The following CTNNA3 variants were observed in gnomAD, a reference collection of about 807,000 sequenced individuals.
CTNNA3 encodes the protein catenin alpha 3.
A neutral mutation model predicts 95.7 loss-of-function variants in CTNNA3; 76 were observed. That is an observed-to-expected ratio of 0.79 (90% CI 0.66 to 0.96). The LOEUF (loss-of-function observed/expected upper bound fraction) is 0.96, where lower values mean the gene tolerates loss of function less well. Among genes scored for constraint, CTNNA3 ranks in the 40% least tolerant of loss-of-function variants. The pLI, the probability that CTNNA3 is intolerant of heterozygous loss-of-function variation, is 0.00. For missense variants in CTNNA3, 1,191 were observed against 1,089.8 expected (o/e 1.09, Z -1.31); for synonymous variants, 431 against 374.4 (o/e 1.15, Z -1.74).
chr10:67,439,453 A>T (rs1053064061), intron 5 of CTNNA3, among the ~76,000 whole-genome samples: 5 of 152,154 alleles, frequency 3.3e-5, no homozygotes, highest in African/African-American at 1.2e-4. Flanking sequence ...TGGCCGGAGC[A>T]AGAGCAAGAG....
At chr10:67,758,280 A>G (rs1394371445) in intron 1 of CTNNA3, among the ~76,000 whole-genome samples, 2 of 146,954 alleles carry the variant, frequency 1.4e-5, no homozygotes, top group Admixed American at 7.1e-5. Flanking sequence ...CCTCATGTGT[A>G]TATGTATATA....
chr10:66,529,453 T>TTG (rs1841388652), intron 10 of CTNNA3, among the ~76,000 whole-genome samples: 2 of 148,260 alleles, frequency 1.3e-5, no homozygotes, highest in Admixed American at 6.6e-5. Context: ...TTTTTTTGTT[T>TTG]TTTTTTTTTA....
At chr10:67,499,003 G>T (rs530603013) in intron 5 of CTNNA3, among the ~76,000 whole-genome samples, 2 of 152,190 alleles carry the variant, frequency 1.3e-5, no homozygotes, top group Non-Finnish European at 2.9e-5. Flanking sequence ...GGGCATCCTT[G>T]TCTTGTGCCA....
At chr10:66,249,992 C>A (rs367809746) in intron 13 of CTNNA3, among the ~76,000 whole-genome samples, 14 of 152,142 alleles carry the variant, frequency 9.2e-5, no homozygotes, top group African/African-American at 3.4e-4. Flanking sequence ...TTGGAAGCAA[C>A]TTCAGTGTCC....
intron 7 of CTNNA3, among the ~76,000 whole-genome samples, chr10:67,177,202 T>A (rs1862287942): frequency 6.6e-6 from 1 of 152,238 alleles, no homozygotes; most frequent in African/African-American, 2.4e-5. Flanking sequence ...GCTAATTTCT[T>A]CTTAATGTGA....
At chr10:66,158,640 TG>T (rs1390959937) in intron 13 of CTNNA3, among the ~76,000 whole-genome samples, 1 of 152,134 alleles carries the variant, frequency 6.6e-6, no homozygotes, top group African/African-American at 2.4e-5. Flanking sequence ...GGCTCTTTTT[TG>T]GTTCCATATG....
intron 11 of CTNNA3, among the ~76,000 whole-genome samples, chr10:66,439,517 T>C (rs1203480956): frequency 6.6e-6 from 1 of 152,184 alleles, no homozygotes; most frequent in Admixed American, 6.5e-5. Context: ...CTCTGACTTG[T>C]GATCTCAAAG....
At chr10:67,248,505 T>A (rs2132350787) in intron 5 of CTNNA3, among the ~76,000 whole-genome samples, 1 of 152,216 alleles carries the variant, frequency 6.6e-6, no homozygotes, top group East Asian at 1.9e-4. Flanking sequence ...AGCCTGGACC[T>A]CCTGGGCTCA....
chr10:66,799,955 A>C (rs1023555216), intron 7 of CTNNA3, among the ~76,000 whole-genome samples: 2 of 151,432 alleles, frequency 1.3e-5, no homozygotes, highest in Non-Finnish European at 3.0e-5. Context: ...CTGCCAACCA[A>C]GAATTCAATG....
intron 13 of CTNNA3, among the ~76,000 whole-genome samples, chr10:66,244,545 TC>T (rs1364736290): frequency 6.6e-6 from 1 of 151,308 alleles, no homozygotes; most frequent in East Asian, 2.0e-4. Context: ...GTGGCTCAGC[TC>T]AGAGAGAAAC....
intron 12 of CTNNA3, among the ~76,000 whole-genome samples, chr10:66,292,102 T>C (rs549620265): frequency 8.6e-5 from 13 of 151,992 alleles, no homozygotes; most frequent in Non-Finnish European, 1.6e-4. Context: ...CACATATATA[T>C]ATACATACAC....
intron 7 of CTNNA3, among the ~76,000 whole-genome samples, chr10:66,984,596 T>C (rs955256321): frequency 6.6e-6 from 1 of 152,166 alleles, no homozygotes; most frequent in Admixed American, 6.5e-5. Context: ...TACTTCTCAA[T>C]GCGTTCATGA....
At chr10:67,386,822 T>C (rs1844187565) in intron 5 of CTNNA3, among the ~76,000 whole-genome samples, 1 of 152,182 alleles carries the variant, frequency 6.6e-6, no homozygotes, top group South Asian at 2.1e-4. Context: ...CTTAAGAAAG[T>C]TGGCCATGCA....
intron 9 of CTNNA3, among the ~76,000 whole-genome samples, chr10:66,670,680 A>G (rs1239733260): frequency 6.6e-6 from 1 of 152,122 alleles, no homozygotes; most frequent in Non-Finnish European, 1.5e-5. Context: ...CTTTTTCTTT[A>G]AACGTCAATG....
chr10:66,000,754 A>G (rs779974223), intron 15 of CTNNA3, among the ~76,000 whole-genome samples: 30 of 152,206 alleles, frequency 2.0e-4, no homozygotes, highest in South Asian at 4.1e-4. Context: ...TTTTATCAGT[A>G]TAATAATCAT....
intron 5 of CTNNA3, among the ~76,000 whole-genome samples, chr10:67,297,729 T>C (rs1840104413): frequency 6.6e-6 from 1 of 152,190 alleles, no homozygotes; most frequent in Admixed American, 6.5e-5. Flanking sequence ...CACATCTGAT[T>C]ACTACTGGAA....
chr10:65,951,139 G>C (rs955580794), intron 17 of CTNNA3, among the ~76,000 whole-genome samples: 1 of 152,204 alleles, frequency 6.6e-6, no homozygotes, highest in African/African-American at 2.4e-5. Flanking sequence ...GATGCAGATT[G>C]CTTAAGCAAA....
intron 5 of CTNNA3, among the ~76,000 whole-genome samples, chr10:67,358,843 G>A (rs1350650595): frequency 6.6e-6 from 1 of 152,076 alleles, no homozygotes; most frequent in Non-Finnish European, 1.5e-5. Flanking sequence ...CTGCAACAGT[G>A]ATTAAAGAGG....
At chr10:66,080,738 T>G (rs937301693) in intron 14 of CTNNA3, among the ~76,000 whole-genome samples, 1 of 152,136 alleles carries the variant, frequency 6.6e-6, no homozygotes, top group Non-Finnish European at 1.5e-5. Context: ...GGAGAGTTTT[T>G]AAGCACTGGG....
Sources: gnomAD v4.1 joint callset for allele counts (sites outside exome capture counted in the v4.1 genomes callset) on GRCh38, gnomAD v4.1.1 for gene constraint, MANE v1.5 for transcripts, NCBI Gene and HGNC (gene_info 2026-07-23, HGNC 2026-07-21) for gene names.